CDH13: variants seen among roughly 807,000 people sequenced by gnomAD.
CDH13 encodes the protein cadherin 13.
A neutral mutation model predicts 63.8 loss-of-function variants in CDH13; 24 were observed. The ratio of observed to expected loss-of-function variants is 0.38; its 90% CI spans 0.27 to 0.53. The LOEUF is 0.53. Ranked by LOEUF, CDH13 falls within the 20% of genes least tolerant of loss-of-function variation. The probability of loss-of-function intolerance (pLI) is 0.85; values close to 1 mark genes in which losing one functional copy is unlikely to be tolerated. For synonymous variants in CDH13, 503 were observed against 355.3 expected (o/e 1.42, Z -4.67); for missense variants, 1,049 against 903.1 (o/e 1.16, Z -2.07).
chr16:83,350,058 A>T (rs1472761249), intron 6 of CDH13, among the ~76,000 whole-genome samples: 1 of 152,226 alleles, frequency 6.6e-6, no homozygotes, highest in Admixed American at 6.5e-5. Flanking sequence ...ATAATGAGAC[A>T]TAGGTTCAAA....
At chr16:82,873,732 G>A (rs1175266450) in intron 2 of CDH13, among the ~76,000 whole-genome samples, 2 of 152,268 alleles carry the variant, frequency 1.3e-5, no homozygotes, top group South Asian at 2.1e-4. Context: ...AAAAGAATAA[G>A]GCTGGGGTGG....
intron 4 of CDH13, among the ~76,000 whole-genome samples, chr16:83,184,702 C>T (rs1034721370): frequency 6.6e-6 from 1 of 152,118 alleles, no homozygotes; most frequent in African/African-American, 2.4e-5. Flanking sequence ...TTGCAGTGAG[C>T]TGAGATCATG....
chr16:82,979,697 C>G (rs1369722165), intron 2 of CDH13, among the ~76,000 whole-genome samples: 1 of 152,172 alleles, frequency 6.6e-6, no homozygotes, highest in Non-Finnish European at 1.5e-5. Flanking sequence ...ATTACCCAGT[C>G]TTAGGTATGT....
chr16:83,205,669 A>G (rs1262542549), intron 4 of CDH13, among the ~76,000 whole-genome samples: 2 of 141,610 alleles, frequency 1.4e-5, no homozygotes, highest in Non-Finnish European at 3.0e-5. Context: ...CAGTGACGTG[A>G]TCTTGGCTCA....
rs765598033 is a variant in CDH13, at chr16:83,602,438, T to G, written c.961-16T>G. On this transcript the variant is annotated splice_polypyrimidine_tract_variant and intron_variant, in intron 7 of 13. Coordinates refer to ENST00000567109, the MANE Select transcript of CDH13 (RefSeq NM_001257.5). ...ATCTAAATGTCATATTATTTCTTTG[T>G]GCTTGTGCTTTGTAGACTCTGGAAA... is the stretch of plus-strand genomic sequence containing the variant. 6.2e-7 allele frequency: 1 copy of G among 1,613,820 alleles called. No individual in the cohort carries two copies. Among genetic ancestry groups the G allele is most frequent in the East Asian group, 2.2e-5 (1 of 44,886 alleles).
intron 1 of CDH13, among the ~76,000 whole-genome samples, chr16:82,692,378 C>G (rs138011088): frequency 6.6e-6 from 1 of 152,158 alleles, no homozygotes; most frequent in African/African-American, 2.4e-5. Context: ...TGTATGGTAG[C>G]GGAGGCTTCA....
chr16:83,616,538 A>C (rs911205649), intron 8 of CDH13, among the ~76,000 whole-genome samples: 1 of 152,018 alleles, frequency 6.6e-6, no homozygotes, highest in Non-Finnish European at 1.5e-5. Flanking sequence ...GCCTCTGAAG[A>C]CTTCATCCAC....
At chr16:82,913,019 A>C (rs1489394020) in intron 2 of CDH13, among the ~76,000 whole-genome samples, 2 of 151,974 alleles carry the variant, frequency 1.3e-5, no homozygotes, top group African/African-American at 4.8e-5. Flanking sequence ...TAAAATCTGA[A>C]TTTAGGCCTA....
chr16:83,734,840 T>A (rs928013959), intron 10 of CDH13, among the ~76,000 whole-genome samples: 3 of 151,472 alleles, frequency 2.0e-5, no homozygotes, highest in Non-Finnish European at 2.9e-5. Context: ...GGATGAGGGG[T>A]CTGGCTCCTC....
At chr16:83,439,663 C>G (rs1401338545) in intron 6 of CDH13, among the ~76,000 whole-genome samples, 2 of 152,178 alleles carry the variant, frequency 1.3e-5, no homozygotes, top group Non-Finnish European at 2.9e-5. Context: ...TGTGTTCATG[C>G]ATAATTACGG....
chr16:83,433,221 G>A (rs200322431), intron 6 of CDH13, among the ~76,000 whole-genome samples: 18 of 152,146 alleles, frequency 1.2e-4, no homozygotes, highest in Admixed American at 6.5e-5. Context: ...CTGAGTTCTC[G>A]TCCTGGCTCT....
intron 2 of CDH13, among the ~76,000 whole-genome samples, chr16:83,000,574 C>CTTTTTTTTTTTTTT (rs561787532): frequency 4.7e-5 from 6 of 127,730 alleles, no homozygotes; most frequent in East Asian, 2.3e-4. Context: ...TTTCTTTTCT[C>CTTTTTTTTTTTTTT]TTTTTTTTTT....
At chr16:82,842,101 T>TAC (rs1824773358) in intron 1 of CDH13, among the ~76,000 whole-genome samples, 1 of 31,748 alleles carries the variant, frequency 3.1e-5, no homozygotes, top group African/African-American at 1.1e-4. Flanking sequence ...CATATATATA[T>TAC]ATATATATAT....
intron 7 of CDH13, among the ~76,000 whole-genome samples, chr16:83,504,729 G>A (rs535070480): frequency 1.3e-5 from 2 of 152,286 alleles, no homozygotes; most frequent in South Asian, 4.1e-4. Flanking sequence ...AGCAACTGGT[G>A]TTAGGGCAGA....
Position 82,836,760 on chromosome 16 carries a change from A to G in CDH13, c.46-21602A>G, listed in dbSNP as rs535479513. Reference sequence around the variant, plus strand: ...GCTTAGAAAGGCTCTACCCCAACTCATACTTCTTCATGGCAAGATGAGGTG... The same window carrying G: ...GCTTAGAAAGGCTCTACCCCAACTCGTACTTCTTCATGGCAAGATGAGGTG... On this transcript the variant is annotated intron_variant, in intron 1 of 13. Coordinates refer to ENST00000567109, the MANE Select transcript of CDH13 (RefSeq NM_001257.5). Among the ~76,000 whole-genome samples the G allele has an allele frequency of 9.2e-5, 14 of 152,224 alleles. No homozygotes were observed. In the South Asian group the frequency reaches 2.9e-3, roughly 32 times the overall value.
At chr16:82,718,498 A>G (rs555349634) in intron 1 of CDH13, among the ~76,000 whole-genome samples, 36 of 152,322 alleles carry the variant, frequency 2.4e-4, no homozygotes, top group Middle Eastern at 6.8e-3. Flanking sequence ...GTGTTAAGGA[A>G]GGAAACAGAA....
chr16:83,138,315 C>G (rs900859617), intron 4 of CDH13, among the ~76,000 whole-genome samples: 2 of 152,048 alleles, frequency 1.3e-5, no homozygotes, highest in African/African-American at 4.8e-5. Context: ...AATGCCCGTC[C>G]TAGGAGAGGG....
intron 10 of CDH13, among the ~76,000 whole-genome samples, chr16:83,687,976 A>G (rs1220893221): frequency 6.6e-6 from 1 of 152,134 alleles, no homozygotes; most frequent in Non-Finnish European, 1.5e-5. Flanking sequence ...CTTCCTCCTC[A>G]TCTTTCTGAC....
intron 13 of CDH13, among the ~76,000 whole-genome samples, chr16:83,789,186 T>C (rs1273851701): frequency 2.0e-5 from 3 of 152,058 alleles, no homozygotes; most frequent in Non-Finnish European, 2.9e-5. Context: ...ACCACTCAAA[T>C]GCATAAAAGC....
Sources: gnomAD v4.1 joint callset for allele counts (sites outside exome capture counted in the v4.1 genomes callset) on GRCh38, gnomAD v4.1.1 for gene constraint, MANE v1.5 for transcripts, NCBI Gene and HGNC (gene_info 2026-07-23, HGNC 2026-07-21) for gene names.